The following TARS2 variants were observed in gnomAD, a reference collection of about 807,000 sequenced individuals.
The protein encoded by TARS2 is threonyl-tRNA synthetase 2, mitochondrial, also known as threonine--tRNA ligase, mitochondrial.
Under a neutral mutation model 94.4 loss-of-function variants are expected in TARS2, and 61 were observed. That is an observed-to-expected ratio of 0.65 (90% confidence interval 0.53 to 0.80). The LOEUF (loss-of-function observed/expected upper bound fraction) is 0.80, where lower values mean the gene tolerates loss of function less well. Ranked by LOEUF, TARS2 falls within the 30% of genes least tolerant of loss-of-function variation. The pLI is 0.00. For missense variants in TARS2, 704 were observed against 902.5 expected (o/e 0.78, Z 2.82); for synonymous variants, 359 against 353.4 (o/e 1.02, Z -0.18).
At chr1:150,506,793 C>A (rs1479656551) in intron 17 of TARS2, 123 bp from the exon 18 acceptor site, 3 of 1,281,064 alleles carry the variant, frequency 2.3e-6, no homozygotes, top group East Asian at 4.8e-5. Context: ...TTCTGTGAAC[C>A]ATATCTGGGC....
At chr1:150,496,773 C>T (rs775331888) in intron 8 of TARS2, 37 bp from the exon 9 acceptor site, 4 of 1,612,104 alleles carry the variant, frequency 2.5e-6, no homozygotes, top group South Asian at 1.1e-5. Flanking sequence ...ACCTCCTTGC[C>T]CTTGAGGTGA....
intron 16 of TARS2, 105 bp from the exon 17 acceptor site, chr1:150,505,486 G>T: frequency 1.9e-6 from 2 of 1,027,096 alleles, no homozygotes; most frequent in Non-Finnish European, 3.1e-6. Context: ...CCCGAGGCAG[G>T]GAAAGGAGGA....
In TARS2 at chr1:150,497,711, C is replaced by A. The variant is rs780299594; in HGVS notation, c.1202C>A (p.Thr401Lys). ...GATTCTACCAGGCATATCACAGATA[C>A]ACTCGCCCTCAAGCCTATGAACTGC... ...SDDSTRHITDTLALKPMNCPA... is the reference protein window; with the variant it reads ...SDDSTRHITDKLALKPMNCPA... Residue 401 changes from threonine to lysine, a missense_variant, in exon 10 of 18, where the codon ACA becomes AAA. Physicochemically the swap from Thr to Lys is moderately conservative, Grantham distance 78. Transcript: ENST00000369064. 3 of 1,614,118 alleles carry A rather than the reference C, an allele frequency of 1.9e-6. No homozygotes were observed. The South Asian group carries it at 3.3e-5, about 18-fold the overall frequency.
chr1:150,489,334 G>A, intron 3 of TARS2: 1 of 477,728 alleles, frequency 2.1e-6, no homozygotes, highest in Non-Finnish European at 3.9e-6. Context: ...AAAAACGAAA[G>A]GATAAATATG....
At position 150,507,222 on chromosome 1, in the gene TARS2, A is replaced by G. The variant is rs1570878346; in HGVS notation, c.*158A>G. 1.0e-6 allele frequency: 1 copy of G among 963,706 alleles called. No individual in the cohort carries two copies. The highest frequency in any genetic ancestry group is 2.7e-5 in the East Asian group (1 of 37,454). 59.7% of individuals were successfully genotyped at this position (963,706 alleles called of 1,614,324 possible). The stretch of plus-strand genomic sequence containing the variant: ...AAAAGAGACTTGGTTTGGGGACCCC[A>G]CAAAAGGAGGGAAGCTGTAGCTGTT... On this transcript the variant is annotated 3_prime_UTR_variant, in exon 18 of 18. Transcript: ENST00000369064.
At chr1:150,506,415 G>A (rs587677316) in intron 17 of TARS2, among the ~76,000 whole-genome samples, 113 of 151,784 alleles carry the variant, frequency 7.4e-4, no homozygotes, top group Middle Eastern at 3.4e-3. Flanking sequence ...GGGGGGAGGC[G>A]GGGCAGTGTG....
intron 13 of TARS2, among the ~76,000 whole-genome samples, chr1:150,502,245 A>C (rs999608524): frequency 1.4e-5 from 2 of 148,028 alleles, no homozygotes; most frequent in Non-Finnish European, 3.0e-5. Flanking sequence ...TTTCCCCGAG[A>C]CAGACTCTTG....
At chr1:150,491,255 T>C in intron 4 of TARS2, 139 bp from the exon 5 acceptor site, 4 of 766,876 alleles carry the variant, frequency 5.2e-6, no homozygotes, top group Non-Finnish European at 8.8e-6. Context: ...ATTTATATTT[T>C]CTCTGAGTTT....
chr1:150,500,806 A>G (rs1379420701), intron 13 of TARS2, among the ~76,000 whole-genome samples: 1 of 152,240 alleles, frequency 6.6e-6, no homozygotes, highest in Non-Finnish European at 1.5e-5. Flanking sequence ...CCTGGGCGAC[A>G]GAGTGAGGCT....
intron 13 of TARS2, among the ~76,000 whole-genome samples, chr1:150,502,641 G>A (rs773563715): frequency 2.6e-5 from 4 of 152,040 alleles, no homozygotes; most frequent in Non-Finnish European, 5.9e-5. Context: ...CACCTACCTC[G>A]GCCTCCCAAA....
At chr1:150,495,582 G>A (rs947288698) in intron 7 of TARS2, among the ~76,000 whole-genome samples, 12 of 151,604 alleles carry the variant, frequency 7.9e-5, no homozygotes, top group African/African-American at 2.9e-4. Flanking sequence ...TTTTAGTACA[G>A]ACAAGGTTTC....
intron 4 of TARS2, among the ~76,000 whole-genome samples, chr1:150,490,949 G>A (rs986123709): frequency 4.6e-5 from 7 of 151,938 alleles, no homozygotes; most frequent in Non-Finnish European, 1.0e-4. Context: ...CAGCTACTTG[G>A]GAGGCTGAGG....
chr1:150,503,708 TACACACAC>T (rs199826529), intron 13 of TARS2, among the ~76,000 whole-genome samples: 7 of 146,312 alleles, frequency 4.8e-5, no homozygotes, highest in Non-Finnish European at 7.5e-5. Context: ...TGTGTATATA[TACACACAC>T]ACACACACAC....
intron 7 of TARS2, among the ~76,000 whole-genome samples, chr1:150,493,008 G>A (rs773604187): frequency 4.6e-5 from 7 of 151,418 alleles, no homozygotes; most frequent in South Asian, 2.1e-4. Flanking sequence ...TCAGCCTCCC[G>A]AGTAGCTGGG....
chr1:150,504,293 T>G, intron 13 of TARS2, 42 bp from the exon 14 acceptor site: 1 of 1,598,468 alleles, frequency 6.3e-7, no homozygotes, highest in Non-Finnish European at 8.6e-7. Context: ...TTCTGGATAG[T>G]GCTTCTGGCT....
At chr1:150,503,708 T>TAC (rs199826529) in intron 13 of TARS2, among the ~76,000 whole-genome samples, 131 of 146,388 alleles carry the variant, frequency 8.9e-4, no homozygotes, top group African/African-American at 1.8e-3. Context: ...TGTGTATATA[T>TAC]ACACACACAC....
Position 150,499,278 on chromosome 1 carries a change from C to T in TARS2, c.1602C>T (p.Ala534=), listed in dbSNP as rs780028836. The T allele has an allele frequency of 6.2e-6, 10 of 1,613,916 alleles. No individual in the cohort carries two copies. The highest frequency in any genetic ancestry group is 8.5e-6 in the Non-Finnish European group (10 of 1,180,022). The change falls in exon 13 of 18, where the codon GCC becomes GCT. Residue 534 remains alanine (A), a synonymous_variant. Coordinates refer to ENST00000369064, the MANE Select transcript of TARS2 (RefSeq NM_025150.5). The part of the protein sequence containing the change: ...EPWDLNSGDG[A]FYGPKIDVHL... ...GGGACCTCAACTCTGGAGATGGTGC[C>T]TTCTATGGACCTAAGGTAAGCTTGG...
intron 7 of TARS2, among the ~76,000 whole-genome samples, chr1:150,493,705 A>G (rs1173707832): frequency 2.0e-5 from 3 of 151,762 alleles, no homozygotes; most frequent in East Asian, 3.9e-4. Context: ...GCGATCCAAG[A>G]TCGTGCCATT....
chr1:150,488,348 A>C, intron 2 of TARS2: 1 of 287,676 alleles, frequency 3.5e-6, no homozygotes, highest in East Asian at 6.5e-5. Flanking sequence ...GATTTGTTTT[A>C]TCTGTATTAG....
Sources: allele counts gnomAD v4.1 joint callset (sites outside exome capture counted in the v4.1 genomes callset), GRCh38; gene constraint gnomAD v4.1.1; transcripts MANE v1.5; gene names NCBI Gene and HGNC (gene_info 2026-07-23, HGNC 2026-07-21).